Variants in MYRFL observed in about 807,000 individuals in gnomAD.
The protein encoded by MYRFL is myelin regulatory factor like, also known as myelin regulatory factor-like protein.
A neutral mutation model predicts 109.4 loss-of-function variants in MYRFL; 88 were observed. The ratio of observed to expected loss-of-function variants is 0.80; its 90% confidence interval spans 0.68 to 0.96. The LOEUF is 0.96. Ranked by LOEUF, MYRFL falls within the 40% of genes least tolerant of loss-of-function variation. MYRFL has a pLI of 0.00. For missense variants in MYRFL, 957 were observed against 954.9 expected (o/e 1.00, Z -0.03); for synonymous variants, 324 against 320.9 (o/e 1.01, Z -0.10).
intron 1 of MYRFL, among the ~76,000 whole-genome samples, chr12:69,830,075 A>C (rs543436601): frequency 3.8e-4 from 58 of 152,244 alleles, no homozygotes; most frequent in African/African-American, 1.4e-3. Flanking sequence ...CAAATGGCAA[A>C]TGATCTAACA....
chr12:69,886,050 C>T (rs1592756322), intron 5 of MYRFL, among the ~76,000 whole-genome samples: 3 of 152,112 alleles, frequency 2.0e-5, no homozygotes, highest in African/African-American at 7.2e-5. Flanking sequence ...TTAAAATATA[C>T]TGGTTGCAAT....
intron 19 of MYRFL, among the ~76,000 whole-genome samples, chr12:69,939,752 G>A (rs1368778120): frequency 6.6e-5 from 10 of 151,650 alleles, no homozygotes; most frequent in Non-Finnish European, 1.0e-4. Context: ...TCTGAGCTAC[G>A]GGAGGACATT....
intron 2 of MYRFL, among the ~76,000 whole-genome samples, chr12:69,867,575 C>A (rs2136327386): frequency 6.6e-6 from 1 of 152,256 alleles, no homozygotes; most frequent in Middle Eastern, 3.4e-3. Context: ...GTGAAGGAAT[C>A]AACGGCAGGC....
intron 11 of MYRFL, among the ~76,000 whole-genome samples, chr12:69,905,774 A>G (rs1566015029): frequency 6.6e-6 from 1 of 152,210 alleles, no homozygotes; most frequent in Non-Finnish European, 1.5e-5. Context: ...GTTTTGATAA[A>G]TCTGTGCACA....
chr12:69,865,118 CA>C (rs1884939712), intron 2 of MYRFL, among the ~76,000 whole-genome samples: 3 of 152,188 alleles, frequency 2.0e-5, no homozygotes, highest in Non-Finnish European at 4.4e-5. Flanking sequence ...ACTCCTATAA[CA>C]AAAGACAGGC....
At chr12:69,871,669 C>T (rs1240858943) in intron 2 of MYRFL, among the ~76,000 whole-genome samples, 2 of 152,298 alleles carry the variant, frequency 1.3e-5, no homozygotes, top group Admixed American at 6.5e-5. Flanking sequence ...TTCACTTCTA[C>T]ACTCAGCTTC....
chr12:69,869,898 G>A (rs1007974447), intron 2 of MYRFL, among the ~76,000 whole-genome samples: 4 of 152,128 alleles, frequency 2.6e-5, no homozygotes, highest in African/African-American at 9.7e-5. Flanking sequence ...TGTCATGGAT[G>A]TACATATCAC....
chr12:69,886,310 C>T (rs1249292788), intron 5 of MYRFL, among the ~76,000 whole-genome samples: 3 of 152,036 alleles, frequency 2.0e-5, no homozygotes, highest in Admixed American at 2.0e-4. Context: ...CCCTCATGTC[C>T]GAAAATGGTG....
At chr12:69,877,032 T>TC (rs752457456) in intron 2 of MYRFL, among the ~76,000 whole-genome samples, 4,285 of 137,804 alleles carry the variant, frequency 0.031, 10 homozygotes, top group Non-Finnish European at 0.036. Context: ...TCTTTTTTTT[T>TC]TTTTTTTTTG....
At chr12:69,856,755 C>G (rs1884312939) in intron 2 of MYRFL, among the ~76,000 whole-genome samples, 1 of 151,786 alleles carries the variant, frequency 6.6e-6, no homozygotes, top group Non-Finnish European at 1.5e-5. Flanking sequence ...AGTTTGTTTT[C>G]TTTAAGTTTA....
chr12:69,900,969 C>T (rs936269126), intron 10 of MYRFL, among the ~76,000 whole-genome samples: 1 of 152,176 alleles, frequency 6.6e-6, no homozygotes, highest in African/African-American at 2.4e-5. Context: ...TTTTCATCCT[C>T]ATTTTTGCAA....
intron 1 of MYRFL, among the ~76,000 whole-genome samples, chr12:69,845,245 G>A (rs1349398724): frequency 6.6e-6 from 1 of 152,088 alleles, no homozygotes; most frequent in Non-Finnish European, 1.5e-5. Flanking sequence ...CCCTCCCTTA[G>A]AATGCAAGCC....
chr12:69,939,875 T>C lies in MYRFL; in HGVS notation c.2224+3243T>C, dbSNP rs370973290. ...GAGCTGATGGAGCTGAAAACCAAGG[T>C]TCGAGAACTACGTGAAGAATGCAGA... is the stretch of plus-strand genomic sequence containing the variant. On this transcript the variant is annotated intron_variant, in intron 19 of 24. Coordinates refer to ENST00000552032, the MANE Select transcript of MYRFL (RefSeq NM_182530.3). 2.4e-3 allele frequency among the ~76,000 whole-genome samples: 359 copies of C among 150,578 alleles called. 3 individuals are homozygous for C. The highest frequency in any genetic ancestry group is 3.1e-3 in the Non-Finnish European group (208 of 67,438).
chr12:69,923,659 G>A (rs1954979733), intron 13 of MYRFL, among the ~76,000 whole-genome samples: 1 of 151,746 alleles, frequency 6.6e-6, no homozygotes, highest in African/African-American at 2.4e-5. Context: ...TTATTGAAAA[G>A]CTTAAGATTC....
chr12:69,924,190 GAAA>G (rs543542332), intron 13 of MYRFL, among the ~76,000 whole-genome samples: 133 of 79,866 alleles, frequency 1.7e-3, no homozygotes, highest in African/African-American at 3.8e-3. Context: ...CTCCGTCTCA[GAAA>G]AAAAAAAAAA....
chr12:69,955,781 T>C (rs1160430776), intron 22 of MYRFL, among the ~76,000 whole-genome samples: 2 of 149,566 alleles, frequency 1.3e-5, no homozygotes, highest in African/African-American at 2.5e-5. Flanking sequence ...TGCCCCCCGA[T>C]GGGAAGATGC....
chr12:69,855,347 C>T lies in MYRFL; in HGVS notation c.114C>T (p.Gly38=). The change falls in exon 2 of 25, where the codon GGC becomes GGT. Residue 38 remains glycine (G), a synonymous_variant. Coordinates refer to ENST00000552032, the MANE Select transcript of MYRFL (RefSeq NM_182530.3). ...CAAGTCTGTTGGAGGAATTTCTGGGCAATGACTTTGATTTGGGGGCCTTGT... is the reference window on the plus strand; with the variant it reads ...CAAGTCTGTTGGAGGAATTTCTGGGTAATGACTTTGATTTGGGGGCCTTGT... ...LDTSLLEEFL[G]NDFDLGALQR... is the part of the protein sequence containing the mutation. The T allele has an allele frequency of 1.4e-6, 1 of 702,640 alleles. No homozygotes were observed. The highest frequency in any genetic ancestry group is 2.7e-5 in the East Asian group (1 of 37,286). 43.5% of individuals were successfully genotyped at this position (702,640 alleles called of 1,614,324 possible).
At position 69,958,517 on chromosome 12, in the gene MYRFL, C is replaced by A. The variant is rs766146896; in HGVS notation, c.2719C>A (p.Arg907=). 9 of 1,534,132 alleles carry A rather than the reference C, an allele frequency of 5.9e-6. No homozygotes were observed. The highest frequency in any genetic ancestry group is 4.9e-5 in the East Asian group (2 of 40,878). Residue 907 remains arginine, a synonymous_variant, in exon 25 of 25, where the codon CGA becomes AGA. Transcript: ENST00000552032. ...FFTDYFFYFY[R]RCA ...CACCGATTACTTCTTTTACTTCTAT[C>A]GACGCTGTGCCTAATTTGTTCAAGT... is the stretch of plus-strand genomic sequence containing the variant.
chr12:69,939,793 G>GA (rs1285864504), intron 19 of MYRFL, among the ~76,000 whole-genome samples: 1 of 151,746 alleles, frequency 6.6e-6, no homozygotes, highest in African/African-American at 2.4e-5. Flanking sequence ...TGAAAACTTT[G>GA]AAAAAAATTT....
Sources: gnomAD v4.1 joint callset for allele counts (sites outside exome capture counted in the v4.1 genomes callset) on GRCh38, gnomAD v4.1.1 for gene constraint, MANE v1.5 for transcripts, NCBI Gene and HGNC (gene_info 2026-07-23, HGNC 2026-07-21) for gene names.